The following CABIN1 variants were observed in gnomAD, a reference collection of about 807,000 sequenced individuals.
CABIN1 encodes the protein calcineurin binding protein 1.
Under a neutral mutation model 227.7 loss-of-function variants are expected in CABIN1, and 133 were observed. The observed-to-expected ratio is 0.58, with a 90% confidence interval of 0.51 to 0.67. The LOEUF (loss-of-function observed/expected upper bound fraction) is 0.67, where lower values mean the gene tolerates loss of function less well. CABIN1 is among the 30% of genes least tolerant of loss of function. The pLI, the probability that CABIN1 is intolerant of heterozygous loss-of-function variation, is 0.00. For synonymous variants in CABIN1, 1,086 were observed against 1,155.1 expected, an observed-to-expected ratio of 0.94 and a Z score of 1.21; for missense variants, 2,408 against 2,852.5, an observed-to-expected ratio of 0.84 and a Z score of 3.55.
Position 24,038,455 on chromosome 22 carries a change from G to A in CABIN1, c.204G>A (p.Leu68=), listed in dbSNP as rs2037099931. The A allele has an allele frequency of 1.2e-6, 2 of 1,612,424 alleles. No homozygotes were observed. Among genetic ancestry groups the A allele is most frequent in the Non-Finnish European group, 1.7e-6 (2 of 1,179,028 alleles). ...ATGAGCTCTTGGAGGCGAGCCTGCT[G>A]CGGGAGGTGAGGCATCAGCAGGCCA... The part of the protein sequence containing the change: ...AYHELLEASL[L]REAVSSGDEK... Residue 68 remains leucine, a synonymous_variant, in exon 4 of 37, where the codon CTG becomes CTA. Coordinates refer to ENST00000263119, the MANE Select transcript of CABIN1 (RefSeq NM_012295.4).
chr22:24,064,512 G>GTTTT (rs782268156), intron 15 of CABIN1, among the ~76,000 whole-genome samples: 2,621 of 106,650 alleles, frequency 0.025, 112 homozygotes, highest in African/African-American at 0.08. Context: ...CAGCTGAAAG[G>GTTTT]TTTTTTTTTT....
intron 12 of CABIN1, 50 bp downstream of exon 12, chr22:24,060,191 G>A: frequency 6.5e-7 from 1 of 1,535,258 alleles, no homozygotes; most frequent in South Asian, 1.1e-5. Context: ...CCAGGGCATG[G>A]GGACAGGGAT....
Position 24,071,024 on chromosome 22 carries a change from C to T in CABIN1, c.2457C>T (p.Leu819=). The T allele has an allele frequency of 6.2e-7, 1 of 1,614,234 alleles. No individual in the cohort carries two copies. Among genetic ancestry groups the T allele is most frequent in the African/African-American group, 1.3e-5 (1 of 75,062 alleles). The stretch of plus-strand genomic sequence containing the variant: ...CCTCCACCACTGGCCTTGTGCGGCT[C>T]ACCAACAACCTCATCCAGGTAACCC... ...VSSSTTGLVR[L]TNNLIQVIDC... is the part of the protein sequence containing the mutation. The change falls in exon 17 of 37, where the codon CTC becomes CTT. Residue 819 remains leucine, a synonymous_variant. Transcript: ENST00000263119.
chr22:24,042,594 T>A (rs1235074381), intron 5 of CABIN1, among the ~76,000 whole-genome samples: 1 of 152,086 alleles, frequency 6.6e-6, no homozygotes, highest in African/African-American at 2.4e-5. Flanking sequence ...AAAGAAAAAT[T>A]TTTTTAAAAA....
intron 26 of CABIN1, chr22:24,102,092 G>A (rs1259885924): frequency 2.0e-5 from 3 of 152,248 alleles, no homozygotes; most frequent in African/African-American, 7.2e-5. Flanking sequence ...GTATAGCCAA[G>A]AGATACTGGG....
rs1569312607 is a variant in CABIN1 at position 24,167,104 on chromosome 22, G to GCCA, written c.5481_5483dup (p.Thr1828dup). On this transcript the variant is annotated inframe_insertion, in exon 32 of 37. Coordinates refer to ENST00000263119, the MANE Select transcript of CABIN1 (RefSeq NM_012295.4). ...CCAGCCAGCCCCCGCCCCCGCCCCC[G>GCCA]CCACCACCACAGGGACCAGGGCAGG... 8 of 1,340,890 alleles carry GCCA rather than the reference G, an allele frequency of 6.0e-6. No homozygotes were observed. Among genetic ancestry groups the GCCA allele is most frequent in the Non-Finnish European group, 8.0e-6 (8 of 1,004,738 alleles). The allele number at this position is 1,340,890 out of a possible 1,614,324, so 83.1% of individuals were successfully genotyped here.
At chr22:24,129,494 C>T (rs1039382291) in intron 28 of CABIN1, among the ~76,000 whole-genome samples, 1 of 152,248 alleles carries the variant, frequency 6.6e-6, no homozygotes, top group African/African-American at 2.4e-5. Flanking sequence ...TGCCCTCCTC[C>T]CTCAACCTGA....
intron 33 of CABIN1, among the ~76,000 whole-genome samples, chr22:24,170,758 C>T (rs995179647): frequency 1.3e-5 from 2 of 148,194 alleles, no homozygotes; most frequent in Non-Finnish European, 3.0e-5. Context: ...AACTGCCCCC[C>T]CCCCCGCCCC....
At chr22:24,075,450 G>A (rs1205452279) in intron 18 of CABIN1, among the ~76,000 whole-genome samples, 1 of 152,160 alleles carries the variant, frequency 6.6e-6, no homozygotes, top group Non-Finnish European at 1.5e-5. Context: ...GTATTATTCA[G>A]GTAGACCTAA....
In CABIN1 at chr22:24,072,334, C is replaced by T. The variant is rs771494698; in HGVS notation, c.2476-20C>T. ...TACCCTGCTGTGACACTTCTGCTGTCTCCCACCCCGCACTGTCAGGTCATT... is the reference window on the plus strand; with the variant it reads ...TACCCTGCTGTGACACTTCTGCTGTTTCCCACCCCGCACTGTCAGGTCATT... On this transcript the variant is annotated intron_variant, in intron 17 of 36. Transcript: ENST00000263119. 2.7e-5 allele frequency: 43 copies of T among 1,613,940 alleles called. No homozygotes were observed. Among genetic ancestry groups the T allele is most frequent in the Non-Finnish European group, 3.4e-5 (40 of 1,179,982 alleles).
intron 13 of CABIN1, 105 bp downstream of exon 13, chr22:24,062,130 A>G: frequency 1.1e-6 from 1 of 896,962 alleles, no homozygotes; most frequent in South Asian, 1.4e-5. Flanking sequence ...CCTTATATCT[A>G]CAGTAGGCAC....
intron 1 of CABIN1, among the ~76,000 whole-genome samples, chr22:24,021,151 C>T (rs535059100): frequency 7.9e-5 from 12 of 152,078 alleles, no homozygotes; most frequent in African/African-American, 2.7e-4. Context: ...AGGTGCATAT[C>T]ACCATGCCTG....
chr22:24,111,440 C>T (rs2042802613), intron 26 of CABIN1, among the ~76,000 whole-genome samples: 1 of 152,124 alleles, frequency 6.6e-6, no homozygotes, highest in South Asian at 2.1e-4. Flanking sequence ...CTTATAGGAG[C>T]GTGAACCCTA....
At chr22:24,071,145 C>A in intron 17 of CABIN1, 103 bp downstream of exon 17, 1 of 1,488,656 alleles carries the variant, frequency 6.7e-7, no homozygotes, top group Non-Finnish European at 9.3e-7. Context: ...ATTAGGCACC[C>A]AAAGGGGACA....
At chr22:24,114,784 G>T (rs1465558211) in intron 27 of CABIN1, among the ~76,000 whole-genome samples, 2 of 152,210 alleles carry the variant, frequency 1.3e-5, no homozygotes, top group Non-Finnish European at 2.9e-5. Context: ...ACCTCTCCTA[G>T]CTCTCTGCTC....
In CABIN1 at chr22:24,057,196, A is replaced by G. The variant is rs375199317; in HGVS notation, c.1262+836A>G. ...CGTAATCTGCCCGCCTCAACCTCCCAAAGTGCTGGGATTATAGGCATGAGC... is the reference window on the plus strand; with the variant it reads ...CGTAATCTGCCCGCCTCAACCTCCCGAAGTGCTGGGATTATAGGCATGAGC... On this transcript the variant is annotated intron_variant, in intron 10 of 36. Coordinates refer to ENST00000263119, the MANE Select transcript of CABIN1 (RefSeq NM_012295.4). Among the ~76,000 whole-genome samples, 61 of 152,182 alleles carry G rather than the reference A, an allele frequency of 4.0e-4. 1 individual carries two copies. The Middle Eastern group carries it at 0.041, about 102-fold the overall frequency.
rs2046600041 is a variant in CABIN1 at position 24,168,620 on chromosome 22, GT to G, written c.5757+101del. On this transcript the variant is annotated intron_variant, in intron 33 of 36. Coordinates refer to ENST00000263119, the MANE Select transcript of CABIN1 (RefSeq NM_012295.4). The stretch of plus-strand genomic sequence containing the variant: ...GAGAAGCAGATCCACTCTTGGGACT[GT>G]TCTTGTGGTCAGCTTGGGCTGAGGG... The G allele has an allele frequency of 3.0e-5, 30 of 1,007,282 alleles. 2 individuals carry two copies. The South Asian group carries it at 4.1e-4, about 14-fold the overall frequency. The allele number at this position is 1,007,282 out of a possible 1,614,324, so 62.4% of individuals were successfully genotyped here. A position where few individuals can be genotyped will look rare whatever the true frequency, so the allele number is the denominator to read the frequency against.
chr22:24,160,642 A>G (rs1038751264), intron 29 of CABIN1, among the ~76,000 whole-genome samples: 1 of 152,260 alleles, frequency 6.6e-6, no homozygotes, highest in Admixed American at 6.5e-5. Context: ...CTGCCCCTCC[A>G]GGAGTAAGCT....
chr22:24,047,949 A>G (rs575625232), intron 6 of CABIN1, among the ~76,000 whole-genome samples: 2 of 152,326 alleles, frequency 1.3e-5, no homozygotes, highest in South Asian at 2.1e-4. Context: ...ACTGTTCCCA[A>G]TTACAAGTGC....
Sources: gnomAD v4.1 joint callset for allele counts (sites outside exome capture counted in the v4.1 genomes callset) on GRCh38, gnomAD v4.1.1 for gene constraint, MANE v1.5 for transcripts, NCBI Gene and HGNC (gene_info 2026-07-23, HGNC 2026-07-21) for gene names.